The following CRYBG1 variants were observed in gnomAD, a reference collection of about 807,000 sequenced individuals.
CRYBG1 encodes beta/gamma crystallin domain-containing protein 1.
In CRYBG1, 139 loss-of-function variants were observed where a neutral mutation model predicts 189.2. That is an observed-to-expected ratio of 0.73 (90% CI 0.64 to 0.85). CRYBG1 has a LOEUF of 0.85. Among genes scored for constraint, CRYBG1 ranks in the 40% least tolerant of loss-of-function variants. CRYBG1 has a pLI of 0.00. For missense variants in CRYBG1, 2,611 were observed against 2,675.8 expected, an observed-to-expected ratio of 0.98 and a Z score of 0.53; for synonymous variants, 1,023 against 1,017.1, an observed-to-expected ratio of 1.01 and a Z score of -0.11.
At chr6:106,440,243 C>CCTCTCTCTCTCT (rs34075891) in intron 1 of CRYBG1, among the ~76,000 whole-genome samples, 10 of 147,498 alleles carry the variant, frequency 6.8e-5, no homozygotes, top group Non-Finnish European at 1.5e-4. Context: ...TTCCTTTCTT[C>CCTCTCTCTCTCT]CTCTCTCTCT....
intron 1 of CRYBG1, among the ~76,000 whole-genome samples, chr6:106,384,140 G>T (rs181150712): frequency 2.0e-4 from 30 of 152,270 alleles, no homozygotes; most frequent in Admixed American, 1.4e-3. Flanking sequence ...TGTCACCTTT[G>T]TTTAGGATGG....
intron 1 of CRYBG1, among the ~76,000 whole-genome samples, chr6:106,416,097 C>T (rs752728890): frequency 5.9e-5 from 9 of 152,186 alleles, no homozygotes; most frequent in Non-Finnish European, 1.2e-4. Flanking sequence ...CTCTGCTGCC[C>T]CCTTTCTTGG....
chr6:106,370,751 G>T (rs567945689), intron 1 of CRYBG1, among the ~76,000 whole-genome samples: 82 of 152,174 alleles, frequency 5.4e-4, no homozygotes, highest in Non-Finnish European at 1.0e-3. Flanking sequence ...GTTCTTTTGG[G>T]TTCTCTTGCA....
At chr6:106,474,413 A>G (rs546598111) in intron 2 of CRYBG1, among the ~76,000 whole-genome samples, 2 of 152,216 alleles carry the variant, frequency 1.3e-5, no homozygotes, top group South Asian at 2.1e-4. Flanking sequence ...GCATATTTGT[A>G]TAGTTATGTT....
chr6:106,445,286 T>C (rs1771645285), intron 1 of CRYBG1, among the ~76,000 whole-genome samples: 1 of 152,212 alleles, frequency 6.6e-6, no homozygotes, highest in Non-Finnish European at 1.5e-5. Flanking sequence ...GTGAAACTCA[T>C]CTACTGAGAA....
intron 2 of CRYBG1, among the ~76,000 whole-genome samples, chr6:106,478,435 G>T (rs1772378496): frequency 6.6e-6 from 1 of 152,194 alleles, no homozygotes; most frequent in Non-Finnish European, 1.5e-5. Flanking sequence ...ATTGTCATGT[G>T]GGACAATGCC....
intron 1 of CRYBG1, among the ~76,000 whole-genome samples, chr6:106,438,321 C>T (rs999811375): frequency 5.3e-5 from 8 of 152,168 alleles, no homozygotes; most frequent in Non-Finnish European, 7.4e-5. Context: ...GTTGGGGTAG[C>T]GTGGTATATT....
At chr6:106,542,654 A>ATTTT (rs1255450295) in intron 10 of CRYBG1, among the ~76,000 whole-genome samples, 45 of 117,418 alleles carry the variant, frequency 3.8e-4, no homozygotes, top group African/African-American at 1.4e-3. Context: ...ATTTTATTTT[A>ATTTT]TTTTATTTTA....
At chr6:106,566,167 G>GAAAAAAAAA (rs34366986) in intron 21 of CRYBG1, among the ~76,000 whole-genome samples, 3 of 123,914 alleles carry the variant, frequency 2.4e-5, no homozygotes, top group African/African-American at 8.8e-5. Context: ...GCACCAGCGT[G>GAAAAAAAAA]AAAAAAAAAA....
intron 1 of CRYBG1, among the ~76,000 whole-genome samples, chr6:106,375,697 T>A (rs1209343536): frequency 6.6e-6 from 1 of 152,186 alleles, no homozygotes. Context: ...TTTTATGGTT[T>A]GAGACTCCAG....
intron 1 of CRYBG1, among the ~76,000 whole-genome samples, chr6:106,435,260 A>C (rs572192330): frequency 6.6e-6 from 1 of 152,128 alleles, no homozygotes; most frequent in African/African-American, 2.4e-5. Flanking sequence ...CAAACTCCTC[A>C]GCTCAAGCCA....
At chr6:106,552,508 C>T (rs2353043) in intron 15 of CRYBG1, among the ~76,000 whole-genome samples, 121,037 of 148,898 alleles carry the variant, frequency 0.81, 50,331 homozygotes, top group South Asian at 0.94. Flanking sequence ...ATTGCTTGAA[C>T]CCCAAGAGGC....
At chr6:106,452,421 CAAAA>C (rs33972717) in intron 2 of CRYBG1, among the ~76,000 whole-genome samples, 18 of 125,554 alleles carry the variant, frequency 1.4e-4, no homozygotes, top group South Asian at 2.6e-4. Flanking sequence ...GAGACTGTCT[CAAAA>C]AAAAAAAAAA....
intron 2 of CRYBG1, among the ~76,000 whole-genome samples, chr6:106,499,314 G>T (rs1458651847): frequency 7.0e-6 from 1 of 142,124 alleles, no homozygotes; most frequent in African/African-American, 2.7e-5. Context: ...CACCACACCC[G>T]GCTAATTTTT....
At chr6:106,440,511 C>G (rs183864034) in intron 1 of CRYBG1, among the ~76,000 whole-genome samples, 2 of 152,224 alleles carry the variant, frequency 1.3e-5, no homozygotes, top group Non-Finnish European at 2.9e-5. Flanking sequence ...AAGCGATCCA[C>G]CTGCCTCAGC....
chr6:106,391,007 C>T lies in CRYBG1; in HGVS notation c.173+29926C>T, dbSNP rs75235821. Among the ~76,000 whole-genome samples the T allele has an allele frequency of 5.6e-4, 86 of 152,252 alleles. 1 individual carries two copies. The highest frequency in any genetic ancestry group is 1.9e-3 in the African/African-American group (80 of 41,548). On this transcript the variant is annotated intron_variant, in intron 1 of 21. Transcript: ENST00000633556. ...TAGTACATACTTTCAGACTGTTTTC[C>T]GAAGTGATTGTATCAGTGTACACTC...
At chr6:106,429,512 C>G (rs922279173) in intron 1 of CRYBG1, among the ~76,000 whole-genome samples, 2 of 152,320 alleles carry the variant, frequency 1.3e-5, no homozygotes, top group East Asian at 3.9e-4. Flanking sequence ...GTCACTTACT[C>G]TAGGCCAAAA....
At chr6:106,560,326 A>G (rs1055420689) in intron 18 of CRYBG1, among the ~76,000 whole-genome samples, 1 of 152,222 alleles carries the variant, frequency 6.6e-6, no homozygotes, top group African/African-American at 2.4e-5. Context: ...TCAGGTGTGC[A>G]GCAGTAGCAT....
chr6:106,503,447 G>A (rs552425618), intron 2 of CRYBG1, among the ~76,000 whole-genome samples: 5 of 152,278 alleles, frequency 3.3e-5, no homozygotes, highest in Non-Finnish European at 7.4e-5. Flanking sequence ...CTTCATAAAA[G>A]TGACACATTA....
Sources: gnomAD v4.1 joint callset for allele counts (sites outside exome capture counted in the v4.1 genomes callset) on GRCh38, gnomAD v4.1.1 for gene constraint, MANE v1.5 for transcripts, NCBI Gene and HGNC (gene_info 2026-07-23, HGNC 2026-07-21) for gene names.